The following TENM4 variants were observed in gnomAD, a reference collection of about 807,000 sequenced individuals.
TENM4 encodes the protein teneurin-4.
In TENM4, 82 loss-of-function variants were observed where a neutral mutation model predicts 243.3. The ratio of observed to expected loss-of-function variants is 0.34; its 90% CI spans 0.28 to 0.40. TENM4 has a LOEUF of 0.40. Among genes scored for constraint, TENM4 ranks in the 10% least tolerant of loss-of-function variants. TENM4 has a pLI of 1.00. For synonymous variants in TENM4, 1,412 were observed against 1,456.3 expected, an observed-to-expected ratio of 0.97 and a Z score of 0.69; for missense variants, 3,138 against 3,673.3, an observed-to-expected ratio of 0.85 and a Z score of 3.77.
chr11:78,702,082 T>A lies in TENM4; in HGVS notation c.4531A>T (p.Ser1511Cys). 4 of 1,613,888 alleles carry A rather than the reference T, an allele frequency of 2.5e-6. No individual in the cohort carries two copies. The highest frequency in any genetic ancestry group is 3.4e-6 in the Non-Finnish European group (4 of 1,179,834). Residue 1511 changes from serine to cysteine, a missense_variant, in exon 28 of 34, where the codon AGT becomes TGT. By Grantham distance (112) the Ser-to-Cys change is moderately radical. Coordinates refer to ENST00000278550, the MANE Select transcript of TENM4 (RefSeq NM_001098816.3). ...GEISLVAGAP[S>C]GCDCKNDANC... ...GCATCATTTTTACAGTCACAGCCAC[T>A]GGGGGCCCCAGCAACGAGTGAGATC...
Position 79,276,086 on chromosome 11 carries a change from AT to A in TENM4, c.-265+21401del, listed in dbSNP as rs545821755. 1.4e-3 allele frequency among the ~76,000 whole-genome samples: 218 copies of A among 152,146 alleles called. 1 individual carries two copies. Among genetic ancestry groups the A allele is most frequent in the African/African-American group, 4.8e-3 (199 of 41,438 alleles). On this transcript the variant is annotated intron_variant, in intron 2 of 33. Coordinates refer to ENST00000278550, the MANE Select transcript of TENM4 (RefSeq NM_001098816.3). ...GGAGGGCATCTCACCCACCCTCCTC[AT>A]TTTAAGGGCAGGAAAATCAAGACCT... is the stretch of plus-strand genomic sequence containing the variant.
chr11:79,168,712 T>C (rs1027010674), intron 3 of TENM4, among the ~76,000 whole-genome samples: 2 of 152,200 alleles, frequency 1.3e-5, no homozygotes, highest in Non-Finnish European at 2.9e-5. Flanking sequence ...AATGTGACTC[T>C]GTAGCTCCTC....
intron 6 of TENM4, among the ~76,000 whole-genome samples, chr11:78,934,378 G>A (rs895423380): frequency 2.1e-5 from 3 of 145,498 alleles, no homozygotes; most frequent in Admixed American, 7.2e-5. Context: ...GTTTTGCTAT[G>A]TGATGAGCGA....
intron 1 of TENM4, among the ~76,000 whole-genome samples, chr11:79,342,571 T>C (rs1410496032): frequency 6.6e-6 from 1 of 152,102 alleles, no homozygotes; most frequent in Non-Finnish European, 1.5e-5. Context: ...TCCAAACCCA[T>C]CATCTAGGCA....
At chr11:79,098,165 G>A (rs1861129934) in intron 4 of TENM4, among the ~76,000 whole-genome samples, 1 of 152,138 alleles carries the variant, frequency 6.6e-6, no homozygotes, top group African/African-American at 2.4e-5. Flanking sequence ...GGGCTTCCCA[G>A]GCCCCTGTAT....
chr11:79,035,508 T>C (rs1057471501), intron 6 of TENM4, among the ~76,000 whole-genome samples: 1 of 149,538 alleles, frequency 6.7e-6, no homozygotes, highest in Non-Finnish European at 1.5e-5. Context: ...GGGATATACA[T>C]TCCTTGTAGA....
At chr11:79,163,810 C>A (rs1323235769) in intron 3 of TENM4, among the ~76,000 whole-genome samples, 1 of 127,912 alleles carries the variant, frequency 7.8e-6, no homozygotes, top group Non-Finnish European at 1.6e-5. Context: ...TATATATACA[C>A]ATATATATAC....
chr11:79,173,087 C>G lies in TENM4; in HGVS notation c.-162-24281G>C, dbSNP rs556554693. Among the ~76,000 whole-genome samples the G allele has an allele frequency of 1.3e-5, 2 of 152,288 alleles. 1 individual carries two copies. Among genetic ancestry groups the G allele is most frequent in the South Asian group, 4.1e-4 (2 of 4,830 alleles). On this transcript the variant is annotated intron_variant, in intron 3 of 33. Coordinates refer to ENST00000278550, the MANE Select transcript of TENM4 (RefSeq NM_001098816.3). ...TCTCTACTGTACCAAGAATCAAAAACTAAACTTATTTTGGCCCTAACTTTG... is the reference window on the plus strand; with the variant it reads ...TCTCTACTGTACCAAGAATCAAAAAGTAAACTTATTTTGGCCCTAACTTTG...
chr11:78,903,259 G>A lies in TENM4; in HGVS notation c.749+9C>T. 6.7e-7 allele frequency: 1 copy of A among 1,488,926 alleles called. No homozygotes were observed. The highest frequency in any genetic ancestry group is 1.5e-5 in the African/African-American group (1 of 67,646). The allele number at this position is 1,488,926 out of a possible 1,614,324, so 92.2% of individuals were successfully genotyped here. A position where few individuals can be genotyped will look rare whatever the true frequency, so the allele number is the denominator to read the frequency against. On this transcript the variant is annotated intron_variant, in intron 7 of 33. Transcript: ENST00000278550. The stretch of plus-strand genomic sequence containing the variant: ...CTCCTCAGCCTCACCCTCCCTACCG[G>A]CCGCGCACCTGGTCTCCAGGGGGAT...
intron 1 of TENM4, among the ~76,000 whole-genome samples, chr11:79,303,468 GACTGTGATAATCT>G (rs1856581127): frequency 6.6e-6 from 1 of 152,208 alleles, no homozygotes; most frequent in African/African-American, 2.4e-5. Flanking sequence ...CTAATTGCTA[GACTGTGATAATCT>G]TAGCTAACAA....
rs1473737507 is a variant in TENM4 at position 79,081,615 on chromosome 11, A to G, written c.-65-11606T>C. On this transcript the variant is annotated intron_variant, in intron 4 of 33. Transcript: ENST00000278550. ...CCACTGCTGTGATTGTTCAGAAACC[A>G]AAGGCTCTATTGTAACTCTGTTCAC... 9.2e-5 allele frequency among the ~76,000 whole-genome samples: 14 copies of G among 151,624 alleles called. No individual in the cohort carries two copies. The East Asian group carries it at 2.7e-3, about 30-fold the overall frequency.
intron 7 of TENM4, 74 bp from the exon 8 acceptor site, chr11:78,891,410 A>C: frequency 7.3e-7 from 1 of 1,370,956 alleles, no homozygotes; most frequent in Non-Finnish European, 1.0e-6. Flanking sequence ...GAAACACACA[A>C]AGTGGCTGTT....
chr11:79,248,005 C>T (rs1430318364), intron 2 of TENM4, among the ~76,000 whole-genome samples: 1 of 152,128 alleles, frequency 6.6e-6, no homozygotes, highest in Non-Finnish European at 1.5e-5. Context: ...GATGGCTTGT[C>T]CTCTGGTCCC....
At chr11:79,335,971 CTT>C (rs1857140666) in intron 1 of TENM4, among the ~76,000 whole-genome samples, 1 of 151,608 alleles carries the variant, frequency 6.6e-6, no homozygotes, top group Admixed American at 6.6e-5. Context: ...AAGCAGCTCT[CTT>C]TGCTGATTCC....
At chr11:79,001,092 A>G (rs1858310824) in intron 6 of TENM4, among the ~76,000 whole-genome samples, 1 of 152,226 alleles carries the variant, frequency 6.6e-6, no homozygotes, top group African/African-American at 2.4e-5. Context: ...AATATGGCCT[A>G]AATGACCCAA....
intron 9 of TENM4, among the ~76,000 whole-genome samples, chr11:78,886,874 C>T (rs137939680): frequency 1.3e-4 from 20 of 152,344 alleles, no homozygotes; most frequent in Middle Eastern, 3.4e-3. Flanking sequence ...ATTCCTGGCT[C>T]AAGACACAAA....
Position 78,916,118 on chromosome 11 carries a change from T to G in TENM4, c.494-12595A>C, listed in dbSNP as rs911923071. ...ACAGCACAGTGGCCAGGAGGTTGAG[T>G]GCTGAATCAAATGGAACAAAGTTTG... is the stretch of plus-strand genomic sequence containing the variant. On this transcript the variant is annotated intron_variant, in intron 6 of 33. Transcript: ENST00000278550. Among the ~76,000 whole-genome samples, 7 of 152,202 alleles carry G rather than the reference T, an allele frequency of 4.6e-5. No homozygotes were observed. The East Asian group carries it at 7.7e-4, about 17-fold the overall frequency.
At chr11:79,398,917 G>A (rs1321636502) in intron 1 of TENM4, among the ~76,000 whole-genome samples, 2 of 151,790 alleles carry the variant, frequency 1.3e-5, no homozygotes, top group Non-Finnish European at 2.9e-5. Flanking sequence ...AGAATAGGTA[G>A]GAATTGGCTA....
At chr11:78,708,583 C>G in intron 26 of TENM4, 68 bp from the exon 27 acceptor site, 1 of 1,548,590 alleles carries the variant, frequency 6.5e-7, no homozygotes, top group Non-Finnish European at 8.8e-7. Flanking sequence ...ATTCCTGGAG[C>G]CTTGCTAACT....
Sources: gnomAD v4.1 joint callset for allele counts (sites outside exome capture counted in the v4.1 genomes callset) on GRCh38, gnomAD v4.1.1 for gene constraint, MANE v1.5 for transcripts, NCBI Gene and HGNC (gene_info 2026-07-23, HGNC 2026-07-21) for gene names.